The following THADA variants were observed in gnomAD, a reference collection of about 807,000 sequenced individuals.
THADA encodes tRNA (32-2'-O)-methyltransferase regulator THADA.
A neutral mutation model predicts 219.8 loss-of-function variants in THADA; 213 were observed. That is an observed-to-expected ratio of 0.97 (90% CI 0.87 to 1.09). The LOEUF (loss-of-function observed/expected upper bound fraction) is 1.09, where lower values mean the gene tolerates loss of function less well. THADA is among the 50% of genes least tolerant of loss of function. The probability of loss-of-function intolerance (pLI) is 0.00; values close to 1 mark genes in which losing one functional copy is unlikely to be tolerated. For missense variants in THADA, 2,956 were observed against 2,311.3 expected, an observed-to-expected ratio of 1.28 and a Z score of -5.72; for synonymous variants, 1,018 against 828.9, an observed-to-expected ratio of 1.23 and a Z score of -3.92.
At chr2:43,592,525 T>C in intron 1 of THADA, 109 bp from the exon 2 acceptor site, 1 of 603,066 alleles carries the variant, frequency 1.7e-6, no homozygotes, top group Non-Finnish European at 2.8e-6. Context: ...ATGCATTATG[T>C]TTCATGCATC....
At chr2:43,272,098 G>C (rs891305967) in intron 36 of THADA, among the ~76,000 whole-genome samples, 1 of 152,198 alleles carries the variant, frequency 6.6e-6, no homozygotes, top group African/African-American at 2.4e-5. Context: ...GAAGGAGTCA[G>C]CCATGCAGGA....
intron 21 of THADA, among the ~76,000 whole-genome samples, chr2:43,536,979 T>TA (rs1694693523): frequency 6.6e-6 from 1 of 152,220 alleles, no homozygotes; most frequent in African/African-American, 2.4e-5. Context: ...CCTTAATCCC[T>TA]AAGCCTTAAT....
chr2:43,452,205 A>AT (rs796482912), intron 26 of THADA, among the ~76,000 whole-genome samples: 219 of 151,872 alleles, frequency 1.4e-3, no homozygotes, highest in African/African-American at 5.1e-3. Flanking sequence ...TTCTCAAATA[A>AT]TTTTTTTTTG....
intron 7 of THADA, among the ~76,000 whole-genome samples, chr2:43,586,036 G>A (rs1022464095): frequency 1.3e-5 from 2 of 151,980 alleles, no homozygotes; most frequent in Non-Finnish European, 2.9e-5. Context: ...AGGCTAAAGC[G>A]GGCACATTAC....
intron 26 of THADA, among the ~76,000 whole-genome samples, chr2:43,436,357 AG>A (rs1680105018): frequency 6.6e-6 from 1 of 152,208 alleles, no homozygotes; most frequent in Non-Finnish European, 1.5e-5. Context: ...AATTGCCCCA[AG>A]AGCCTTCCTC....
At chr2:43,516,713 A>C (rs1691772184) in intron 22 of THADA, among the ~76,000 whole-genome samples, 1 of 152,134 alleles carries the variant, frequency 6.6e-6, no homozygotes. Context: ...CTTGCCTAAT[A>C]AAAAGGCATT....
intron 25 of THADA, among the ~76,000 whole-genome samples, chr2:43,488,088 T>C (rs935381051): frequency 3.9e-5 from 6 of 152,216 alleles, no homozygotes; most frequent in African/African-American, 9.6e-5. Context: ...ATTATTTCCA[T>C]ATATTGATCA....
intron 26 of THADA, among the ~76,000 whole-genome samples, chr2:43,432,058 G>C (rs527495623): frequency 8.2e-6 from 1 of 122,502 alleles, no homozygotes; most frequent in Non-Finnish European, 1.7e-5. Flanking sequence ...GGGTTTCACC[G>C]TTTTAGCCGG....
At chr2:43,589,292 T>G (rs868064022) in intron 4 of THADA, among the ~76,000 whole-genome samples, 1 of 152,140 alleles carries the variant, frequency 6.6e-6, no homozygotes, top group Non-Finnish European at 1.5e-5. Context: ...TTAAGCCTTA[T>G]AAGAGAAGAA....
chr2:43,544,550 T>C (rs1011637693), intron 20 of THADA, among the ~76,000 whole-genome samples: 4 of 152,146 alleles, frequency 2.6e-5, no homozygotes, highest in Admixed American at 6.5e-5. Context: ...TTTTATTTCA[T>C]TGAGCAGTGG....
intron 26 of THADA, among the ~76,000 whole-genome samples, chr2:43,464,513 C>G (rs1684009951): frequency 6.6e-6 from 1 of 151,926 alleles, no homozygotes; most frequent in Non-Finnish European, 1.5e-5. Context: ...GGTTTTTTTC[C>G]ATGTAAACTA....
At chr2:43,431,377 G>A (rs917801524) in intron 26 of THADA, among the ~76,000 whole-genome samples, 18 of 151,916 alleles carry the variant, frequency 1.2e-4, no homozygotes, top group Admixed American at 7.2e-4. Flanking sequence ...GCAAACTCCC[G>A]CCCCACAAAG....
intron 32 of THADA, among the ~76,000 whole-genome samples, 161 bp downstream of exon 32, chr2:43,292,672 AC>A (rs1674871998): frequency 6.6e-6 from 1 of 152,188 alleles, no homozygotes; most frequent in Admixed American, 6.5e-5. Context: ...CGCCATGCCA[AC>A]CACCATAAAA....
chr2:43,301,915 G>T (rs184331909), intron 31 of THADA, among the ~76,000 whole-genome samples: 1 of 152,176 alleles, frequency 6.6e-6, no homozygotes, highest in Non-Finnish European at 1.5e-5. Flanking sequence ...AGATGAACAC[G>T]TGGTACTTAT....
rs1278129279 is a variant in THADA, at chr2:43,498,926, C to T, written c.3651G>A (p.Leu1217=). ...QVHALNILRA[L]FRDTRLGENI... ...TTTCTCCCAGGCGCGTATCTCTGAA[C>T]AATGCTCTAAGGATATTTAAAGCAT... Residue 1217 remains leucine (L), a synonymous_variant, in exon 25 of 38, where the codon TTG becomes TTA. Coordinates refer to ENST00000405975, the MANE Select transcript of THADA (RefSeq NM_022065.5). 6 of 1,583,816 alleles carry T rather than the reference C, an allele frequency of 3.8e-6. No homozygotes were observed. The highest frequency in any genetic ancestry group is 5.2e-6 in the Non-Finnish European group (6 of 1,164,368).
In THADA at chr2:43,508,684, A is replaced by T; in HGVS notation, c.3471T>A (p.Ala1157=). The change falls in exon 23 of 38, where the codon GCT becomes GCA. Residue 1157 remains alanine, a synonymous_variant. Transcript: ENST00000405975. ...AAGGAATTCCAGCACTGCGCCTTGT[A>T]GCACAGAGTTTAGATGAAGGATCAC... ...KCSDPSSKLC[A]TRRSAGIPFY... 6.2e-7 allele frequency: 1 copy of T among 1,613,762 alleles called. No homozygotes were observed. Among genetic ancestry groups the T allele is most frequent in the Non-Finnish European group, 8.5e-7 (1 of 1,179,710 alleles).
intron 26 of THADA, among the ~76,000 whole-genome samples, chr2:43,431,189 C>T: frequency 6.6e-6 from 1 of 152,118 alleles, no homozygotes; most frequent in East Asian, 1.9e-4. Flanking sequence ...TGTTATGTTC[C>T]TATTAATTGA....
chr2:43,367,242 G>A (rs1670262287), intron 29 of THADA, among the ~76,000 whole-genome samples: 1 of 152,172 alleles, frequency 6.6e-6, no homozygotes, highest in Non-Finnish European at 1.5e-5. Flanking sequence ...AGATGAAAAT[G>A]TTCTGGAGAC....
At position 43,576,949 on chromosome 2, in the gene THADA, C is replaced by A. The variant is rs556699802; in HGVS notation, c.1037+73G>T. 9 of 1,380,336 alleles carry A rather than the reference C, an allele frequency of 6.5e-6. No individual in the cohort carries two copies. The Admixed American group carries it at 1.8e-4, about 28-fold the overall frequency. 85.5% of individuals were successfully genotyped at this position (1,380,336 alleles called of 1,614,324 possible). A position where few individuals can be genotyped will look rare whatever the true frequency, so the allele number is the denominator to read the frequency against. On this transcript the variant is annotated intron_variant, in intron 10 of 37. Transcript: ENST00000405975. ...GCTGGGATTAGAGGCACAAGCCACT[C>A]CAGCTTTTGGACTGCATCTTCTAAA... is the stretch of plus-strand genomic sequence containing the variant.
Sources: gnomAD v4.1 joint callset for allele counts (sites outside exome capture counted in the v4.1 genomes callset) on GRCh38, gnomAD v4.1.1 for gene constraint, MANE v1.5 for transcripts, NCBI Gene and HGNC (gene_info 2026-07-23, HGNC 2026-07-21) for gene names.